The following SUGCT variants were observed in gnomAD, a reference collection of about 807,000 sequenced individuals.
The protein encoded by SUGCT is succinyl-CoA:glutarate CoA-transferase.
In SUGCT, 41 loss-of-function variants were observed where a neutral mutation model predicts 55.0. That is an observed-to-expected ratio of 0.74 (90% CI 0.58 to 0.97). The LOEUF is 0.97. Among genes scored for constraint, SUGCT ranks in the 50% least tolerant of loss-of-function variants. SUGCT has a pLI of 0.00. For missense variants in SUGCT, 568 were observed against 547.8 expected, an observed-to-expected ratio of 1.04 and a Z score of -0.37; for synonymous variants, 187 against 200.4, an observed-to-expected ratio of 0.93 and a Z score of 0.56.
the SUGCT span, among the ~76,000 whole-genome samples, chr7:40,971,087 G>C: frequency 6.6e-6 from 1 of 152,150 alleles, no homozygotes; most frequent in African/African-American, 2.4e-5. Flanking sequence ...TCTGCAGGCT[G>C]TATAAGCATA....
intron 9 of SUGCT, among the ~76,000 whole-genome samples, chr7:40,335,635 A>T (rs1425703929): frequency 1.3e-5 from 2 of 152,130 alleles, no homozygotes; most frequent in East Asian, 3.8e-4. Flanking sequence ...TTATCAGCTT[A>T]AGGAGATTTT....
chr7:40,209,318 C>CA (rs958812749), intron 6 of SUGCT, among the ~76,000 whole-genome samples: 2 of 151,738 alleles, frequency 1.3e-5, no homozygotes, highest in African/African-American at 4.8e-5. Flanking sequence ...TCAGCCTGGC[C>CA]AAATCCCATC....
intron 9 of SUGCT, among the ~76,000 whole-genome samples, chr7:40,385,673 A>T (rs1785084183): frequency 6.6e-6 from 1 of 151,994 alleles, no homozygotes; most frequent in South Asian, 2.1e-4. Flanking sequence ...ATTACATCAT[A>T]CAATGGTCTT....
intron 10 of SUGCT, among the ~76,000 whole-genome samples, chr7:40,450,799 A>G (rs142010728): frequency 6.6e-6 from 1 of 152,246 alleles, no homozygotes; most frequent in African/African-American, 2.4e-5. Context: ...TGCCTATGAA[A>G]TCCTGAATCT....
chr7:40,206,701 T>C (rs1786995390), intron 6 of SUGCT, among the ~76,000 whole-genome samples: 1 of 152,230 alleles, frequency 6.6e-6, no homozygotes, highest in Admixed American at 6.5e-5. Context: ...AAATCATCTT[T>C]AAATTACTTG....
At chr7:40,347,322 A>T (rs1481993940) in intron 9 of SUGCT, among the ~76,000 whole-genome samples, 1 of 152,198 alleles carries the variant, frequency 6.6e-6, no homozygotes, top group Non-Finnish European at 1.5e-5. Context: ...GGAACAGGTT[A>T]TTGGCAAGTG....
intron 12 of SUGCT, among the ~76,000 whole-genome samples, chr7:40,555,728 A>C (rs1228547700): frequency 6.6e-6 from 1 of 151,534 alleles, no homozygotes; most frequent in African/African-American, 2.4e-5. Context: ...TTCTAACAAT[A>C]TTGTAAGGAA....
intron 9 of SUGCT, among the ~76,000 whole-genome samples, chr7:40,334,830 G>A (rs1430547348): frequency 6.6e-6 from 1 of 152,166 alleles, no homozygotes; most frequent in African/African-American, 2.4e-5. Flanking sequence ...CCTTGCCCAT[G>A]CCTATGTCCT....
At chr7:40,565,629 C>T (rs952482478) in intron 12 of SUGCT, among the ~76,000 whole-genome samples, 5 of 152,078 alleles carry the variant, frequency 3.3e-5, no homozygotes, top group Admixed American at 2.6e-4. Context: ...TCAAATCCTC[C>T]GATGTCTTTC....
the SUGCT span, among the ~76,000 whole-genome samples, chr7:40,890,221 AT>A: frequency 4.2e-5 from 6 of 143,594 alleles, no homozygotes; most frequent in African/African-American, 1.5e-4. Context: ...ATATATTTAT[AT>A]TTATATTATA....
At chr7:40,468,317 T>A (rs991826530) in intron 11 of SUGCT, among the ~76,000 whole-genome samples, 1 of 152,140 alleles carries the variant, frequency 6.6e-6, no homozygotes, top group African/African-American at 2.4e-5. Flanking sequence ...TTCAGTTAAG[T>A]AATATCTGTA....
chr7:40,954,852 A>G, the SUGCT span, among the ~76,000 whole-genome samples: 2 of 152,192 alleles, frequency 1.3e-5, no homozygotes, highest in South Asian at 2.1e-4. Flanking sequence ...AGTTGTCTAC[A>G]TATGGCTAGC....
chr7:40,611,966 A>C (rs533676020), intron 12 of SUGCT, among the ~76,000 whole-genome samples: 1 of 151,762 alleles, frequency 6.6e-6, no homozygotes, highest in Non-Finnish European at 1.5e-5. Flanking sequence ...ATATTTTATA[A>C]ATTTATGTCT....
At chr7:40,339,430 C>G (rs556063338) in intron 9 of SUGCT, among the ~76,000 whole-genome samples, 1 of 152,258 alleles carries the variant, frequency 6.6e-6, no homozygotes, top group East Asian at 1.9e-4. Context: ...TTTACCTACT[C>G]AAGCCTCAGC....
At chr7:40,155,439 A>G (rs1326729451) in intron 1 of SUGCT, among the ~76,000 whole-genome samples, 3 of 152,084 alleles carry the variant, frequency 2.0e-5, no homozygotes, top group Non-Finnish European at 4.4e-5. Flanking sequence ...CTCTGAGCTA[A>G]GGGAAAAGGA....
At chr7:40,223,223 G>A (rs1584385332) in intron 6 of SUGCT, among the ~76,000 whole-genome samples, 2 of 152,128 alleles carry the variant, frequency 1.3e-5, no homozygotes, top group South Asian at 4.1e-4. Context: ...ACCATGCCTG[G>A]CTAATTTTTG....
chr7:40,370,502 C>A (rs1784241109), intron 9 of SUGCT, among the ~76,000 whole-genome samples: 1 of 151,634 alleles, frequency 6.6e-6, no homozygotes, highest in African/African-American at 2.4e-5. Context: ...AAAAACATAC[C>A]TAGAGATCCT....
At chr7:40,779,022 C>G (rs1789598477) in intron 13 of SUGCT, among the ~76,000 whole-genome samples, 1 of 152,140 alleles carries the variant, frequency 6.6e-6, no homozygotes, top group African/African-American at 2.4e-5. Context: ...AGCAGAGACC[C>G]TGGGGAAACA....
chr7:40,240,029 A>G (rs758467330), intron 7 of SUGCT, among the ~76,000 whole-genome samples: 1 of 152,190 alleles, frequency 6.6e-6, no homozygotes, highest in South Asian at 2.1e-4. Context: ...GAAAACAAAC[A>G]TTAGCAGAAA....
Sources: gnomAD v4.1 joint callset for allele counts (sites outside exome capture counted in the v4.1 genomes callset) on GRCh38, gnomAD v4.1.1 for gene constraint, MANE v1.5 for transcripts, NCBI Gene and HGNC (gene_info 2026-07-23, HGNC 2026-07-21) for gene names.